EPHA6: variants seen among roughly 807,000 people sequenced by gnomAD.
The protein encoded by EPHA6 is EPH receptor A6, also known as ephrin type-A receptor 6.
EPHA6 carries 50 observed loss-of-function variants against 112.0 expected under a neutral mutation model. That is an observed-to-expected ratio of 0.45 (90% CI 0.36 to 0.56). The LOEUF (loss-of-function observed/expected upper bound fraction) is 0.56. EPHA6 is among the 20% of genes least tolerant of loss of function. The probability of loss-of-function intolerance (pLI) is 0.00; values close to 1 mark genes in which losing one functional copy is unlikely to be tolerated. For synonymous variants in EPHA6, 529 were observed against 490.7 expected, an observed-to-expected ratio of 1.08 and a Z score of -1.03; for missense variants, 1,280 against 1,417.4, an observed-to-expected ratio of 0.90 and a Z score of 1.56.
chr3:97,526,481 A>C (rs558398577), intron 10 of EPHA6, among the ~76,000 whole-genome samples: 12 of 134 alleles, frequency 0.09, no homozygotes, highest in African/African-American at 0.22. Context: ...ACCCAGTGGC[A>C]GTGGGGGGGT....
chr3:96,868,190 C>CAG (rs916659826), intron 2 of EPHA6, among the ~76,000 whole-genome samples: 9 of 141,150 alleles, frequency 6.4e-5, no homozygotes, highest in African/African-American at 2.3e-4. Flanking sequence ...GAGAGAGAGA[C>CAG]AGAGTGTGTG....
chr3:96,874,318 G>T (rs775357518), intron 2 of EPHA6, among the ~76,000 whole-genome samples: 1 of 152,046 alleles, frequency 6.6e-6, no homozygotes, highest in Non-Finnish European at 1.5e-5. Context: ...GGAATATCTG[G>T]TGCATGTTTT....
At chr3:96,820,205 C>G (rs1263221306) in intron 1 of EPHA6, among the ~76,000 whole-genome samples, 2 of 151,988 alleles carry the variant, frequency 1.3e-5, no homozygotes, top group Non-Finnish European at 2.9e-5. Flanking sequence ...TAGTCGGGAA[C>G]CAGAGTCCTC....
chr3:97,274,283 T>G (rs2079992321), intron 5 of EPHA6, among the ~76,000 whole-genome samples: 1 of 152,156 alleles, frequency 6.6e-6, no homozygotes, highest in Admixed American at 6.5e-5. Context: ...GGAGAAAAAC[T>G]GGCCATGAGG....
intron 12 of EPHA6, among the ~76,000 whole-genome samples, chr3:97,598,578 C>T (rs1209027782): frequency 6.6e-6 from 1 of 151,770 alleles, no homozygotes; most frequent in East Asian, 1.9e-4. Context: ...ATCCATGTCC[C>T]TACAAAGGAC....
At chr3:97,581,208 T>C (rs990552974) in intron 11 of EPHA6, among the ~76,000 whole-genome samples, 1 of 152,256 alleles carries the variant, frequency 6.6e-6, no homozygotes, top group African/African-American at 2.4e-5. Context: ...GTTTGTATTA[T>C]TCAGTGTTCA....
At chr3:97,157,519 A>G (rs1344590858) in intron 3 of EPHA6, among the ~76,000 whole-genome samples, 1 of 152,044 alleles carries the variant, frequency 6.6e-6, no homozygotes, top group African/African-American at 2.4e-5. Flanking sequence ...CGAGAGAGAG[A>G]GACAGAGACA....
intron 11 of EPHA6, among the ~76,000 whole-genome samples, chr3:97,532,939 G>T (rs1028844033): frequency 6.6e-6 from 1 of 151,832 alleles, no homozygotes; most frequent in African/African-American, 2.4e-5. Flanking sequence ...GCTTTACCTG[G>T]AGTAAAACTT....
At chr3:97,502,683 A>G (rs566753540) in intron 10 of EPHA6, among the ~76,000 whole-genome samples, 1 of 151,420 alleles carries the variant, frequency 6.6e-6, no homozygotes, top group African/African-American at 2.4e-5. Flanking sequence ...AATACAAAAA[A>G]ATTAGCTGGG....
At chr3:97,663,579 G>A (rs1028698165) in intron 14 of EPHA6, among the ~76,000 whole-genome samples, 1 of 146,658 alleles carries the variant, frequency 6.8e-6, no homozygotes, top group African/African-American at 2.5e-5. Flanking sequence ...GTAAGAACAT[G>A]TGGTGTTTGG....
chr3:97,078,459 A>G (rs2046609984), intron 3 of EPHA6, among the ~76,000 whole-genome samples: 1 of 152,138 alleles, frequency 6.6e-6, no homozygotes, highest in African/African-American at 2.4e-5. Flanking sequence ...TTAGTCATGA[A>G]GTCCTTGCCC....
intron 12 of EPHA6, among the ~76,000 whole-genome samples, chr3:97,596,637 T>G (rs1379013549): frequency 6.6e-6 from 1 of 151,652 alleles, no homozygotes; most frequent in Non-Finnish European, 1.5e-5. Flanking sequence ...AAGGCATGTT[T>G]ATTATCTGCT....
At chr3:97,239,187 T>A (rs2078769024) in intron 4 of EPHA6, among the ~76,000 whole-genome samples, 1 of 151,958 alleles carries the variant, frequency 6.6e-6, no homozygotes, top group Non-Finnish European at 1.5e-5. Context: ...CTTTGAAAAC[T>A]TAAGTTTCAG....
chr3:97,461,437 G>T (rs557117347), intron 7 of EPHA6, among the ~76,000 whole-genome samples: 24 of 152,158 alleles, frequency 1.6e-4, no homozygotes, highest in Admixed American at 1.1e-3. Context: ...ACTTTCTAAG[G>T]TTCCTGTGAG....
At chr3:97,483,886 C>A in intron 9 of EPHA6, 48 bp from the exon 10 acceptor site, 2 of 1,550,276 alleles carry the variant, frequency 1.3e-6, no homozygotes, top group Non-Finnish European at 1.7e-6. Context: ...AGATATAGAC[C>A]ACTGAGATAC....
chr3:97,056,111 ATTAATG>A (rs1414416834), intron 3 of EPHA6, among the ~76,000 whole-genome samples: 1 of 152,170 alleles, frequency 6.6e-6, no homozygotes, highest in Non-Finnish European at 1.5e-5. Context: ...GAAAATCGAG[ATTAATG>A]CTTTACACAG....
chr3:97,009,185 T>C (rs1424754755), intron 3 of EPHA6, among the ~76,000 whole-genome samples: 3 of 152,084 alleles, frequency 2.0e-5, no homozygotes, highest in Non-Finnish European at 4.4e-5. Context: ...CTGGGCTGCC[T>C]GGATTCCTCA....
intron 6 of EPHA6, among the ~76,000 whole-genome samples, chr3:97,438,482 A>G (rs1215253660): frequency 6.6e-6 from 1 of 152,196 alleles, no homozygotes; most frequent in Non-Finnish European, 1.5e-5. Context: ...ATTTATGCCA[A>G]CAAACTTTTA....
intron 1 of EPHA6, among the ~76,000 whole-genome samples, chr3:96,853,728 T>C (rs2035528074): frequency 6.6e-6 from 1 of 152,058 alleles, no homozygotes; most frequent in South Asian, 2.1e-4. Flanking sequence ...AATCATTTTT[T>C]TTTCCTGCTC....
Sources: gnomAD v4.1 joint callset for allele counts (sites outside exome capture counted in the v4.1 genomes callset) on GRCh38, gnomAD v4.1.1 for gene constraint, MANE v1.5 for transcripts, NCBI Gene and HGNC (gene_info 2026-07-23, HGNC 2026-07-21) for gene names.